CASD1: variants seen among roughly 807,000 people sequenced by gnomAD.
CASD1 encodes CAS1 domain sialic acid O acetyltransferase 1.
CASD1 carries 41 observed loss-of-function variants against 100.0 expected under a neutral mutation model. That is an observed-to-expected ratio of 0.41 (90% confidence interval 0.32 to 0.53). The LOEUF is 0.53. Ranked by LOEUF, CASD1 falls within the 20% of genes least tolerant of loss-of-function variation. The pLI is 0.25. For synonymous variants in CASD1, 321 were observed against 315.6 expected (o/e 1.02, Z -0.18); for missense variants, 774 against 948.7 (o/e 0.82, Z 2.42).
chr7:94,581,150 G>A, the CASD1 span, among the ~76,000 whole-genome samples: 1 of 152,120 alleles, frequency 6.6e-6, no homozygotes, highest in Admixed American at 6.5e-5. Flanking sequence ...ATAAACATGA[G>A]AATCCAAACT....
the CASD1 span, chr7:94,622,143 A>G: frequency 6.6e-6 from 1 of 152,208 alleles, no homozygotes; most frequent in African/African-American, 2.4e-5. Flanking sequence ...CTAAATTAGT[A>G]GGTTCTGATA....
chr7:94,589,305 A>G, the CASD1 span: 1 of 156,330 alleles, frequency 6.4e-6, no homozygotes, highest in African/African-American at 2.4e-5. Flanking sequence ...TCACTTAGGG[A>G]CTTTTGACAT....
rs546766758 is a variant in CASD1, at chr7:94,528,263, A to C, written c.459+13A>C. 19 of 1,543,318 alleles carry C rather than the reference A, an allele frequency of 1.2e-5. No individual in the cohort carries two copies. The African/African-American group carries it at 2.5e-4, about 20-fold the overall frequency. On this transcript the variant is annotated intron_variant, in intron 5 of 17. Transcript: ENST00000297273. ...AGTGTGGACTGAGGTCTGTATTTAA[A>C]AAACATAGGCTTTTTTTTTTTTTAT...
At chr7:94,561,382 AATAAT>A (rs1283301104), downstream of CASD1, among the ~76,000 whole-genome samples, 1 of 152,188 alleles carries the variant, frequency 6.6e-6, no homozygotes, top group Non-Finnish European at 1.5e-5. Context: ...TCATTACATA[AATAAT>A]TTAACTTGGA....
intron 7 of CASD1, 71 bp downstream of exon 7, chr7:94,533,873 T>A: frequency 7.5e-7 from 1 of 1,329,246 alleles, no homozygotes; most frequent in East Asian, 2.7e-5. Context: ...TATCTCCTGT[T>A]TCAAGAAGCA....
the CASD1 span, among the ~76,000 whole-genome samples, chr7:94,568,064 AAAG>A: frequency 1.3e-5 from 2 of 152,204 alleles, no homozygotes; most frequent in Non-Finnish European, 2.9e-5. Context: ...CTCTGATTTA[AAAG>A]AAGAGCAGTA....
At chr7:94,623,432 A>G in the CASD1 span, 240 of 1,307,972 alleles carry the variant, frequency 1.8e-4, no homozygotes, top group Non-Finnish European at 2.4e-4. Context: ...AAAGAAGTGA[A>G]ATGTTCTTTG....
At chr7:94,611,675 TA>T in the CASD1 span, among the ~76,000 whole-genome samples, 3 of 152,194 alleles carry the variant, frequency 2.0e-5, no homozygotes, top group Non-Finnish European at 4.4e-5. Flanking sequence ...ATAAAGCTGT[TA>T]TTTTTTTAAA....
At chr7:94,562,753 G>A in the CASD1 span, among the ~76,000 whole-genome samples, 2 of 152,070 alleles carry the variant, frequency 1.3e-5, no homozygotes, top group Non-Finnish European at 2.9e-5. Context: ...CAAACTCAAG[G>A]TGTTGGTACA....
At chr7:94,610,452 C>G in the CASD1 span, among the ~76,000 whole-genome samples, 1 of 152,142 alleles carries the variant, frequency 6.6e-6, no homozygotes, top group African/African-American at 2.4e-5. Flanking sequence ...GATGCAAAAG[C>G]AATCTCTGCA....
the CASD1 span, among the ~76,000 whole-genome samples, chr7:94,578,044 G>A: frequency 6.6e-6 from 1 of 152,142 alleles, no homozygotes; most frequent in Non-Finnish European, 1.5e-5. Context: ...GTGCCATGAA[G>A]CTTGCCGTTC....
the CASD1 span, among the ~76,000 whole-genome samples, chr7:94,601,951 T>A: frequency 1.3e-5 from 2 of 152,090 alleles, no homozygotes; most frequent in Non-Finnish European, 2.9e-5. Context: ...AGATGTGGCA[T>A]AAAAATAAAT....
At chr7:94,581,097 T>C in the CASD1 span, among the ~76,000 whole-genome samples, 12 of 152,276 alleles carry the variant, frequency 7.9e-5, no homozygotes, top group African/African-American at 2.9e-4. Context: ...GTGAAAAATA[T>C]CACTCTCCTA....
chr7:94,629,728 G>C, the CASD1 span: 4 of 1,610,896 alleles, frequency 2.5e-6, no homozygotes, highest in Admixed American at 6.7e-5. Context: ...CCAGGTTTTG[G>C]GTAAGGTGGA....
intron 15 of CASD1, chr7:94,552,013 TAAG>T (rs1438248319): frequency 4.5e-6 from 1 of 220,236 alleles, no homozygotes; most frequent in African/African-American, 2.3e-5. Context: ...GAAGAATAAA[TAAG>T]AGCTCAATTA....
chr7:94,540,702 C>T (rs1795351661), intron 10 of CASD1, among the ~76,000 whole-genome samples: 1 of 151,984 alleles, frequency 6.6e-6, no homozygotes, highest in African/African-American at 2.4e-5. Context: ...TTTATAAGCC[C>T]AGCTAAGAAT....
chr7:94,618,469 C>T, the CASD1 span: 3 of 309,420 alleles, frequency 9.7e-6, no homozygotes, highest in Non-Finnish European at 1.8e-5. Flanking sequence ...ATTCATGGCC[C>T]TAAATAATCA....
At chr7:94,548,453 T>C (rs1027785079) in intron 13 of CASD1, among the ~76,000 whole-genome samples, 1 of 151,730 alleles carries the variant, frequency 6.6e-6, no homozygotes, top group Non-Finnish European at 1.5e-5. Context: ...TACATATATA[T>C]ACACACATAT....
chr7:94,584,332 A>G, the CASD1 span, among the ~76,000 whole-genome samples: 2 of 152,190 alleles, frequency 1.3e-5, no homozygotes, highest in African/African-American at 2.4e-5. Flanking sequence ...CTCCTAGGCC[A>G]TGACACTGAT....
Sources: gnomAD v4.1 joint callset for allele counts (sites outside exome capture counted in the v4.1 genomes callset) on GRCh38, gnomAD v4.1.1 for gene constraint, MANE v1.5 for transcripts, NCBI Gene and HGNC (gene_info 2026-07-23, HGNC 2026-07-21) for gene names.